Variants in UNC5A observed in about 807,000 individuals in gnomAD.
The protein encoded by UNC5A is unc-5 netrin receptor A.
In UNC5A, 20 loss-of-function variants were observed where a neutral mutation model predicts 87.4. The observed-to-expected ratio is 0.23, with a 90% CI of 0.16 to 0.33. The LOEUF (loss-of-function observed/expected upper bound fraction) is 0.33. Ranked by LOEUF, UNC5A falls within the 10% of genes least tolerant of loss-of-function variation. The pLI is 1.00. For synonymous variants in UNC5A, 438 were observed against 482.3 expected (o/e 0.91, Z 1.20); for missense variants, 844 against 1,133.4 (o/e 0.74, Z 3.67).
intron 8 of UNC5A, among the ~76,000 whole-genome samples, chr5:176,876,566 C>G (rs749679194): frequency 6.6e-6 from 1 of 152,234 alleles, no homozygotes; most frequent in African/African-American, 2.4e-5. Flanking sequence ...CACGCTGATC[C>G]TGCTCCTCCA....
At chr5:176,863,040 T>A (rs1461481061) in intron 2 of UNC5A, among the ~76,000 whole-genome samples, 195 bp downstream of exon 2, 2 of 152,196 alleles carry the variant, frequency 1.3e-5, no homozygotes, top group African/African-American at 4.8e-5. Flanking sequence ...CTCCCAGACC[T>A]CACATTCAGT....
intron 1 of UNC5A, among the ~76,000 whole-genome samples, chr5:176,839,674 G>C (rs1018683065): frequency 6.6e-6 from 1 of 152,220 alleles, no homozygotes; most frequent in South Asian, 2.1e-4. Context: ...GGATGTGCAG[G>C]GAGTGGGTGA....
At chr5:176,876,180 T>C (rs1425685395) in intron 8 of UNC5A, among the ~76,000 whole-genome samples, 2 of 152,222 alleles carry the variant, frequency 1.3e-5, no homozygotes, top group Non-Finnish European at 1.5e-5. Context: ...TGTAAGTGCG[T>C]GTACCTTCCC....
rs183969640 is a variant in UNC5A at position 176,833,770 on chromosome 5, G to A, written c.70+22950G>A. Among the ~76,000 whole-genome samples, 928 of 148,762 alleles carry A rather than the reference G, an allele frequency of 6.2e-3. 8 individuals are homozygous for A. Among genetic ancestry groups the A allele is most frequent in the African/African-American group, 0.022 (873 of 40,012 alleles). On this transcript the variant is annotated intron_variant, in intron 1 of 14. Coordinates refer to ENST00000329542, the MANE Select transcript of UNC5A (RefSeq NM_133369.3). ...TGTCGCCAGGCTGGAGTGCAGTGGT[G>A]CGGTCTCCGCTCACTGCAAGCTCCA... is the stretch of plus-strand genomic sequence containing the variant.
intron 6 of UNC5A, among the ~76,000 whole-genome samples, chr5:176,872,554 A>C (rs76798217): frequency 3.3e-4 from 24 of 71,832 alleles, no homozygotes; most frequent in Admixed American, 5.4e-4. Flanking sequence ...ACACTCGCCC[A>C]ACACCACAGC....
chr5:176,857,470 C>T (rs1043211072), intron 1 of UNC5A, among the ~76,000 whole-genome samples: 4 of 152,254 alleles, frequency 2.6e-5, no homozygotes, highest in South Asian at 2.1e-4. Context: ...AGCTGCCACC[C>T]CCGTTGGCCC....
chr5:176,875,807 A>C lies in UNC5A; in HGVS notation c.1378+1241A>C, dbSNP rs1294856545. Among the ~76,000 whole-genome samples the C allele has an allele frequency of 6.6e-6, 1 of 152,056 alleles. No homozygotes were observed. Among genetic ancestry groups the C allele is most frequent in the East Asian group, 1.9e-4 (1 of 5,180 alleles). On this transcript the variant is annotated intron_variant, in intron 8 of 14. Coordinates refer to ENST00000329542, the MANE Select transcript of UNC5A (RefSeq NM_133369.3). The surrounding 1 kb of genome is among the most constrained non-coding windows in gnomAD (Gnocchi z 5.2). ...CCCGACACACGGTGCTGCCCTCTGC[A>C]TGCACCGACCCCCTGCCCCTCCCAC... is the stretch of plus-strand genomic sequence containing the variant.
chr5:176,830,561 GGTGTGT>G (rs141393711), intron 1 of UNC5A, among the ~76,000 whole-genome samples: 12 of 133,336 alleles, frequency 9.0e-5, no homozygotes, highest in Admixed American at 4.5e-4. Context: ...CATGTGTCCT[GGTGTGT>G]GTGTGTGTGT....
At chr5:176,825,977 G>C (rs755940098) in intron 1 of UNC5A, among the ~76,000 whole-genome samples, 8 of 152,260 alleles carry the variant, frequency 5.3e-5, no homozygotes, top group Non-Finnish European at 1.2e-4. Flanking sequence ...GACAGTCCTG[G>C]AAGAGGTGAC....
chr5:176,852,198 G>C (rs1389449604), intron 1 of UNC5A, among the ~76,000 whole-genome samples: 1 of 152,100 alleles, frequency 6.6e-6, no homozygotes, highest in Non-Finnish European at 1.5e-5. Context: ...AGGCAGCTGG[G>C]CCGGCCACCT....
At chr5:176,862,040 T>A (rs1304603052) in intron 1 of UNC5A, among the ~76,000 whole-genome samples, 1 of 152,228 alleles carries the variant, frequency 6.6e-6, no homozygotes, top group African/African-American at 2.4e-5. Context: ...GAAACCCACA[T>A]ATTCAGGTCT....
chr5:176,811,624 A>G (rs1756457831), intron 1 of UNC5A, among the ~76,000 whole-genome samples: 2 of 152,114 alleles, frequency 1.3e-5, no homozygotes, highest in Admixed American at 1.3e-4. Flanking sequence ...GGGGGGAGGA[A>G]GTTCCCCTGC....
Position 176,864,837 on chromosome 5 carries a change from G to A in UNC5A, c.292+1992G>A, listed in dbSNP as rs145072464. 8.6e-3 allele frequency: 3,926 copies of A among 456,022 alleles called. 39 individuals are homozygous for A. The highest frequency in any genetic ancestry group is 0.018 in the Admixed American group (747 of 42,562). The allele number at this position is 456,022 out of a possible 1,614,324, so 28.2% of individuals were successfully genotyped here. A position where few individuals can be genotyped will look rare whatever the true frequency, so the allele number is the denominator to read the frequency against. On this transcript the variant is annotated intron_variant, in intron 2 of 14. Coordinates refer to ENST00000329542, the MANE Select transcript of UNC5A (RefSeq NM_133369.3). ...TCAGAGGGAGATAGAGAGGGTTGGCGGCCAATGTAGCCCAACAGAACCCTG... is the reference window on the plus strand; with the variant it reads ...TCAGAGGGAGATAGAGAGGGTTGGCAGCCAATGTAGCCCAACAGAACCCTG...
chr5:176,815,125 C>A (rs947032879), intron 1 of UNC5A, among the ~76,000 whole-genome samples: 1 of 152,242 alleles, frequency 6.6e-6, no homozygotes, highest in African/African-American at 2.4e-5. Context: ...CCCCCATCCC[C>A]ACCCTGGCAT....
chr5:176,842,791 G>A (rs903998956), intron 1 of UNC5A, among the ~76,000 whole-genome samples: 1 of 152,186 alleles, frequency 6.6e-6, no homozygotes, highest in Non-Finnish European at 1.5e-5. Flanking sequence ...AAATCTCACA[G>A]ATCACCTCTA....
At chr5:176,820,879 C>T (rs906138770) in intron 1 of UNC5A, among the ~76,000 whole-genome samples, 1 of 152,218 alleles carries the variant, frequency 6.6e-6, no homozygotes, top group Non-Finnish European at 1.5e-5. Flanking sequence ...TGACCTGGTT[C>T]TTTTCCAGCT....
intron 1 of UNC5A, among the ~76,000 whole-genome samples, chr5:176,834,665 T>TCTCTCTC (rs1757105320): frequency 2.0e-5 from 2 of 101,370 alleles, no homozygotes; most frequent in Admixed American, 2.1e-4. Context: ...ACGTCCCGTC[T>TCTCTCTC]TCTCTCTCTC....
At chr5:176,811,409 A>G (rs546577880) in intron 1 of UNC5A, among the ~76,000 whole-genome samples, 1 of 149,466 alleles carries the variant, frequency 6.7e-6, no homozygotes, top group Non-Finnish European at 1.5e-5. Context: ...CAGCCAGCAC[A>G]GTCAAAGCGC....
chr5:176,815,352 C>T (rs1334465805), intron 1 of UNC5A, among the ~76,000 whole-genome samples: 4 of 152,160 alleles, frequency 2.6e-5, no homozygotes, highest in Non-Finnish European at 4.4e-5. Context: ...GTGGGAGTGG[C>T]ATTGAAGGGT....
Sources: gnomAD v4.1 joint callset for allele counts (sites outside exome capture counted in the v4.1 genomes callset) on GRCh38, gnomAD v4.1.1 for gene constraint, Gnocchi (gnomAD v3.1) non-coding constraint, MANE v1.5 for transcripts, NCBI Gene and HGNC (gene_info 2026-07-23, HGNC 2026-07-21) for gene names.